Variants in TRPV1 observed in about 807,000 individuals in gnomAD.
TRPV1 encodes OTRPC1.
Under a neutral mutation model 82.3 loss-of-function variants are expected in TRPV1, and 82 were observed. The ratio of observed to expected loss-of-function variants is 1.00; its 90% CI spans 0.83 to 1.20. The LOEUF (loss-of-function observed/expected upper bound fraction) is 1.20, where lower values mean the gene tolerates loss of function less well. Ranked by LOEUF, TRPV1 falls within the 50% of genes most tolerant of loss-of-function variation. The pLI, the probability that TRPV1 is intolerant of heterozygous loss-of-function variation, is 0.00. For synonymous variants in TRPV1, 515 were observed against 467.7 expected (o/e 1.10, Z -1.30); for missense variants, 1,067 against 1,096.8 (o/e 0.97, Z 0.38).
intron 10 of TRPV1, among the ~76,000 whole-genome samples, chr17:3,581,171 CAG>C (rs1244488732): frequency 1.3e-5 from 2 of 151,902 alleles, no homozygotes; most frequent in East Asian, 1.9e-4. Flanking sequence ...TTTAAGAGAT[CAG>C]AGTCTCACTA....
rs754625912 is a variant in TRPV1 at position 3,592,048 on chromosome 17, G to T, written c.284+19C>A. On this transcript the variant is annotated intron_variant, in intron 3 of 16. Transcript: ENST00000572705. ...AGCTGGGCTCCCAGCAGGGAGGGGG[G>T]CTCCAGACGCGGACTTACCTGGCAC... 1 of 1,603,082 alleles carries T rather than the reference G, an allele frequency of 6.2e-7. No individual in the cohort carries two copies. Among genetic ancestry groups the T allele is most frequent in the Non-Finnish European group, 8.5e-7 (1 of 1,173,614 alleles).
chr17:3,602,996 C>T (rs2075275014), intron 2 of TRPV1, among the ~76,000 whole-genome samples: 1 of 152,114 alleles, frequency 6.6e-6, no homozygotes, highest in Non-Finnish European at 1.5e-5. Flanking sequence ...TGGTGCATGC[C>T]TGTAATCCCA....
chr17:3,588,973 A>G, intron 7 of TRPV1: 1 of 1,531,368 alleles, frequency 6.5e-7, no homozygotes, highest in Non-Finnish European at 8.7e-7. Context: ...ACCTCAAGCC[A>G]GAAAGAAAGA....
intron 2 of TRPV1, among the ~76,000 whole-genome samples, chr17:3,605,500 A>G (rs1033294449): frequency 2.0e-5 from 3 of 151,168 alleles, no homozygotes; most frequent in Admixed American, 6.6e-5. Context: ...ACAGAGTGAG[A>G]CTCCATTTAA....
At chr17:3,602,803 C>T (rs1283680235) in intron 2 of TRPV1, among the ~76,000 whole-genome samples, 1 of 152,200 alleles carries the variant, frequency 6.6e-6, no homozygotes, top group Non-Finnish European at 1.5e-5. Flanking sequence ...AATTTCTTTT[C>T]TTCACTCACC....
intron 8 of TRPV1, among the ~76,000 whole-genome samples, chr17:3,586,229 A>G (rs536901860): frequency 6.6e-6 from 1 of 152,242 alleles, no homozygotes; most frequent in South Asian, 2.1e-4. Context: ...GTTGTGTCTA[A>G]TAACTCCCTC....
At chr17:3,584,339 C>A (rs1233860663) in intron 9 of TRPV1, among the ~76,000 whole-genome samples, 2 of 142,692 alleles carry the variant, frequency 1.4e-5, no homozygotes, top group African/African-American at 2.6e-5. Flanking sequence ...GGAGGCAGAG[C>A]TTGCAGTGAG....
intron 14 of TRPV1, 72 bp from the exon 15 acceptor site, chr17:3,572,321 T>C: frequency 2.0e-6 from 3 of 1,521,676 alleles, no homozygotes; most frequent in Non-Finnish European, 2.7e-6. Context: ...TGGCTGCCAG[T>C]ATCCAGCTCC....
In TRPV1 at chr17:3,584,402, C is replaced by CAAAAAAAAAAAAAAAAA. The variant is rs1447579699; in HGVS notation, c.1384-973_1384-972insTTTTTTTTTTTTTTTTT. The stretch of plus-strand genomic sequence containing the variant: ...TGGAAAACAGAGAGAGACTCTGTCT[C>CAAAAAAAAAAAAAAAAA]AAAAAAAAAAAAAATAAAATAAAAA... On this transcript the variant is annotated intron_variant, in intron 9 of 16. Transcript: ENST00000572705. Among the ~76,000 whole-genome samples the CAAAAAAAAAAAAAAAAA allele has an allele frequency of 1.0e-3, 17 of 16,766 alleles. 1 individual carries two copies. The highest frequency in any genetic ancestry group is 3.9e-3 in the African/African-American group (17 of 4,336). The allele number at this position is 16,766 out of a possible 152,430, so 11.0% of individuals were successfully genotyped here. A position where few individuals can be genotyped will look rare whatever the true frequency, so the allele number is the denominator to read the frequency against.
chr17:3,598,856 C>T (rs1177524548), intron 2 of TRPV1, among the ~76,000 whole-genome samples: 2 of 150,876 alleles, frequency 1.3e-5, no homozygotes, highest in South Asian at 2.1e-4. Context: ...CGTGAGCCAC[C>T]GCGCCTGGCC....
intron 2 of TRPV1, among the ~76,000 whole-genome samples, chr17:3,602,578 C>T (rs2075270932): frequency 6.6e-6 from 1 of 152,130 alleles, no homozygotes; most frequent in South Asian, 2.1e-4. Context: ...GGGTGGTTTT[C>T]TAAGTTCAGG....
intron 16 of TRPV1, among the ~76,000 whole-genome samples, chr17:3,570,357 G>A (rs2074836222): frequency 6.8e-6 from 1 of 146,542 alleles, no homozygotes; most frequent in African/African-American, 2.5e-5. Flanking sequence ...GCAACAGAGT[G>A]AGACTCCATC....
At position 3,573,532 on chromosome 17, in the gene TRPV1, G is replaced by GCCCCCCCCCCCCCCCCCCCCCCCCC; in HGVS notation, c.2103+100_2103+101insGGGGGGGGGGGGGGGGGGGGGGGGG. 8.6e-5 allele frequency: 22 copies of GCCCCCCCCCCCCCCCCCCCCCCCCC among 257,076 alleles called. 11 individuals are homozygous for GCCCCCCCCCCCCCCCCCCCCCCCCC. Among genetic ancestry groups the GCCCCCCCCCCCCCCCCCCCCCCCCC allele is most frequent in the South Asian group, 3.6e-4 (12 of 33,506 alleles). The allele number at this position is 257,076 out of a possible 1,614,324, so 15.9% of individuals were successfully genotyped here. On this transcript the variant is annotated intron_variant, in intron 14 of 16. Transcript: ENST00000572705. ...GCCCATACCCTCCTGGCCACACACC[G>GCCCCCCCCCCCCCCCCCCCCCCCCC]CCCCCACCACCCACCCACCTGCAGC...
intron 8 of TRPV1, among the ~76,000 whole-genome samples, chr17:3,586,363 G>A (rs2075085230): frequency 6.6e-6 from 1 of 152,236 alleles, no homozygotes; most frequent in Admixed American, 6.5e-5. Context: ...GGTCAGGCAG[G>A]GCGGCAGGGA....
Position 3,591,184 on chromosome 17 carries a change from C to T in TRPV1, c.451+3G>A. 1 of 1,609,164 alleles carries T rather than the reference C, an allele frequency of 6.2e-7. No individual in the cohort carries two copies. Among genetic ancestry groups the T allele is most frequent in the Non-Finnish European group, 8.5e-7 (1 of 1,177,900 alleles). ...CCCTCCCCGAGCCCAGCGCTGGGGC[C>T]ACCTTTGAACTCGTTGTCTGTGAGG... On this transcript the variant is annotated splice_donor_region_variant and intron_variant, in intron 4 of 16. Transcript: ENST00000572705.
rs189318148 is a variant in TRPV1 at position 3,584,078 on chromosome 17, C to T, written c.1384-648G>A. Among the ~76,000 whole-genome samples the T allele has an allele frequency of 7.6e-4, 116 of 152,072 alleles. 1 individual carries two copies. Among genetic ancestry groups the T allele is most frequent in the African/African-American group, 2.1e-3 (89 of 41,484 alleles). Reference sequence around the variant, plus strand: ...CTGAGGTCGAGAGTTCGAGACCAGCCTGACCAACATGGAGAAACCCCATCT... The same window carrying T: ...CTGAGGTCGAGAGTTCGAGACCAGCTTGACCAACATGGAGAAACCCCATCT... On this transcript the variant is annotated intron_variant, in intron 9 of 16. Transcript: ENST00000572705.
rs201317858 is a variant in TRPV1 at position 3,585,914 on chromosome 17, T to C, written c.1237A>G (p.Met413Val). The change falls in exon 9 of 17, where the codon ATG (methionine) becomes GTG (valine). Residue 413 changes from methionine to valine, a missense_variant. Physicochemically the swap from Met to Val is conservative, Grantham distance 21 (BLOSUM62 1). Coordinates refer to ENST00000572705, the MANE Select transcript of TRPV1 (RefSeq NM_080704.4). ...SSSETPNRHDMLLVEPLNRLL... is the reference protein window; with the variant it reads ...SSSETPNRHDVLLVEPLNRLL... ...CGGTTCAGCGGCTCCACCAAGAGCA[T>C]GTCGTGGCGATTCTAGGGGGTGGGG... The C allele has an allele frequency of 2.9e-5, 47 of 1,613,324 alleles. No individual in the cohort carries two copies. The highest frequency in any genetic ancestry group is 1.0e-4 in the Admixed American group (6 of 59,972).
intron 11 of TRPV1, 154 bp from the exon 12 acceptor site, chr17:3,577,917 C>T: frequency 1.5e-6 from 1 of 667,750 alleles, no homozygotes; most frequent in Non-Finnish European, 2.5e-6. Context: ...CAGGCGTTCT[C>T]CGTGGAAGCA....
rs1489826027 is a variant in TRPV1, at chr17:3,592,413, C to A, written c.-33-30G>T. The A allele has an allele frequency of 6.0e-6, 9 of 1,512,548 alleles. No individual in the cohort carries two copies. In the Admixed American group the frequency reaches 1.6e-4, roughly 27 times the overall value. 93.7% of individuals were successfully genotyped at this position (1,512,548 alleles called of 1,614,324 possible). On this transcript the variant is annotated intron_variant, in intron 2 of 16. Coordinates refer to ENST00000572705, the MANE Select transcript of TRPV1 (RefSeq NM_080704.4). ...AGCAGCCACCACGCCGGGGTTGACT[C>A]CCAAAGTAAGGACTGCTTGTCCTTA...
Sources: allele counts gnomAD v4.1 joint callset (sites outside exome capture counted in the v4.1 genomes callset), GRCh38; gene constraint gnomAD v4.1.1; transcripts MANE v1.5; gene names NCBI Gene and HGNC (gene_info 2026-07-23, HGNC 2026-07-21).